Variants in ABCC5 observed in about 807,000 individuals in gnomAD.
ABCC5 encodes ATP-binding cassette sub-family C member 5.
A neutral mutation model predicts 160.9 loss-of-function variants in ABCC5; 61 were observed. The ratio of observed to expected loss-of-function variants is 0.38; its 90% CI spans 0.31 to 0.47. The LOEUF (loss-of-function observed/expected upper bound fraction) is 0.47. Among genes scored for constraint, ABCC5 ranks in the 20% least tolerant of loss-of-function variants. The pLI is 0.99. For missense variants in ABCC5, 1,308 were observed against 1,813.3 expected (o/e 0.72, Z 5.06); for synonymous variants, 666 against 700.6 (o/e 0.95, Z 0.78).
chr3:184,015,871 C>T (rs1327630469), intron 1 of ABCC5, among the ~76,000 whole-genome samples: 3 of 152,136 alleles, frequency 2.0e-5, no homozygotes, highest in South Asian at 2.1e-4. Context: ...AACCTTCTTA[C>T]GGGAATCACG....
At chr3:183,935,306 G>A (rs964699840) in intron 26 of ABCC5, among the ~76,000 whole-genome samples, 5 of 151,520 alleles carry the variant, frequency 3.3e-5, no homozygotes, top group Non-Finnish European at 4.4e-5. Flanking sequence ...TCAGCCTCCC[G>A]TGTAGCTGGG....
intron 18 of ABCC5, 42 bp downstream of exon 18, chr3:183,953,044 C>T (rs764531387): frequency 1.3e-6 from 2 of 1,559,848 alleles, no homozygotes; most frequent in Non-Finnish European, 8.7e-7. Context: ...GAAACGGCCA[C>T]ATTCTTAGAC....
chr3:184,002,943 C>G (rs1170415674), intron 2 of ABCC5, among the ~76,000 whole-genome samples: 2 of 152,152 alleles, frequency 1.3e-5, no homozygotes, highest in Non-Finnish European at 2.9e-5. Flanking sequence ...GTCTGGCACA[C>G]CCCTCAAATA....
intron 2 of ABCC5, among the ~76,000 whole-genome samples, chr3:184,001,417 T>A (rs539032081): frequency 6.6e-6 from 1 of 152,364 alleles, no homozygotes; most frequent in South Asian, 2.1e-4. Flanking sequence ...AGGTATTTTA[T>A]GCTTACAGCA....
At chr3:183,990,211 C>G (rs1275027641) in intron 2 of ABCC5, among the ~76,000 whole-genome samples, 3 of 152,054 alleles carry the variant, frequency 2.0e-5, no homozygotes, top group African/African-American at 7.2e-5. Context: ...CCGGTTCAAG[C>G]AATTCTCATG....
chr3:183,986,326 A>G (rs999118183), intron 5 of ABCC5: 2 of 152,196 alleles, frequency 1.3e-5, no homozygotes, highest in African/African-American at 4.8e-5. Context: ...TCTTCCCTGA[A>G]ACGGCAGAGA....
chr3:183,934,151 C>T (rs1464674700), intron 26 of ABCC5, among the ~76,000 whole-genome samples: 1 of 152,098 alleles, frequency 6.6e-6, no homozygotes, highest in Non-Finnish European at 1.5e-5. Context: ...ACTAAAAATA[C>T]AAAAATTAGC....
chr3:183,981,999 T>C (rs1718788326), intron 7 of ABCC5, 125 bp from the exon 8 acceptor site: 1 of 961,422 alleles, frequency 1.0e-6, no homozygotes, highest in Non-Finnish European at 1.5e-6. Context: ...GGCCAAATGT[T>C]ATGTAATCGT....
At position 183,965,165 on chromosome 3, in the gene ABCC5, CA is replaced by C. The variant is rs762373478; in HGVS notation, c.2031+19del. ...TCTGCCACTCTGCTAAATGCCTGGT[CA>C]GGGGCGGAAGGCCTGTACCTCCGTC... On this transcript the variant is annotated intron_variant, in intron 14 of 29. Coordinates refer to ENST00000334444, the MANE Select transcript of ABCC5 (RefSeq NM_005688.4). 21 of 1,613,232 alleles carry C rather than the reference CA, an allele frequency of 1.3e-5. No individual in the cohort carries two copies. The Admixed American group carries it at 2.2e-4, about 17-fold the overall frequency.
intron 2 of ABCC5, among the ~76,000 whole-genome samples, chr3:184,006,086 C>A (rs1442012239): frequency 6.6e-6 from 1 of 152,110 alleles, no homozygotes; most frequent in Non-Finnish European, 1.5e-5. Context: ...GCAGCCCAAC[C>A]TCAAGAGCCC....
At position 183,971,667 on chromosome 3, in the gene ABCC5, T is replaced by C; in HGVS notation, c.1657A>G (p.Ser553Gly). The C allele has an allele frequency of 6.2e-7, 1 of 1,614,192 alleles. No individual in the cohort carries two copies. The highest frequency in any genetic ancestry group is 8.5e-7 in the Non-Finnish European group (1 of 1,180,016). Residue 553 changes from serine to glycine, a missense_variant, in exon 11 of 30, where the codon AGT becomes GGT. Ser to Gly is a moderately conservative substitution (Grantham distance 56). Around this residue, in one of 3 missense-constraint regions of ABCC5, gnomAD observed 1,142 missense variants for 1,527.1 expected, o/e 0.75. Transcript: ENST00000334444. The part of the protein sequence containing the change: ...AEQKGHLLLD[S>G]DERPSPEEEE... Reference sequence around the variant, plus strand: ...TCTTCGGGACTGGGCCGCTCGTCACTGTCCAGGAGGAGGTGGCCTTTCTGC... The same window carrying C: ...TCTTCGGGACTGGGCCGCTCGTCACCGTCCAGGAGGAGGTGGCCTTTCTGC...
intron 22 of ABCC5, 70 bp from the exon 23 acceptor site, chr3:183,947,580 C>A: frequency 7.9e-7 from 1 of 1,272,966 alleles, no homozygotes. Context: ...AAAGCTTCAG[C>A]GAATCAGATG....
intron 8 of ABCC5, among the ~76,000 whole-genome samples, chr3:183,979,870 C>T (rs991900706): frequency 1.2e-3 from 178 of 151,774 alleles, no homozygotes; most frequent in African/African-American, 4.1e-3. Context: ...CCACCTCGCC[C>T]GGCCAATACT....
At chr3:183,972,126 G>T (rs372773290) in intron 10 of ABCC5, 2 of 940,538 alleles carry the variant, frequency 2.1e-6, no homozygotes, top group Non-Finnish European at 3.3e-6. Flanking sequence ...AGGTCCAGGG[G>T]CCTTATCAAT....
At chr3:183,977,445 C>T in intron 10 of ABCC5, 72 bp downstream of exon 10, 1 of 1,202,222 alleles carries the variant, frequency 8.3e-7, no homozygotes, top group East Asian at 2.4e-5. Context: ...CTGGGTGGCC[C>T]CTTGAACAGA....
chr3:183,945,681 C>T (rs999400094), intron 24 of ABCC5, among the ~76,000 whole-genome samples, 169 bp downstream of exon 24: 3 of 152,176 alleles, frequency 2.0e-5, no homozygotes, highest in African/African-American at 7.2e-5. Flanking sequence ...GAAACTCTTA[C>T]GGTAATCTCT....
In ABCC5 at chr3:183,988,085, G is replaced by T. The variant is rs1445863396; in HGVS notation, c.444-168C>A. ...CTTCTGGGAAAAAATACCCTTCCTA[G>T]GGAACTACACATTTACCCTGTATAA... On this transcript the variant is annotated intron_variant, in intron 4 of 29. Transcript: ENST00000334444. The surrounding 1 kb of genome is among the most constrained non-coding windows in gnomAD (Gnocchi z 4.4). Among the ~76,000 whole-genome samples the T allele has an allele frequency of 6.6e-6, 1 of 152,062 alleles. No individual in the cohort carries two copies. The highest frequency in any genetic ancestry group is 2.4e-5 in the African/African-American group (1 of 41,384).
chr3:183,985,479 G>A (rs1307379021), intron 5 of ABCC5: 2 of 1,030,158 alleles, frequency 1.9e-6, no homozygotes, highest in South Asian at 2.5e-5. Context: ...GAGGTTGGAA[G>A]GGTGGGAAAC....
chr3:183,978,716 A>G, intron 8 of ABCC5, 65 bp from the exon 9 acceptor site: 1 of 1,561,748 alleles, frequency 6.4e-7, no homozygotes, highest in African/African-American at 1.4e-5. Context: ...TTGTTCCTCC[A>G]CCTCCAAACA....
Sources: gnomAD v4.1 joint callset for allele counts (sites outside exome capture counted in the v4.1 genomes callset) on GRCh38, gnomAD v4.1.1 for gene constraint, gnomAD v4.1.1 regional missense constraint, Gnocchi (gnomAD v3.1) non-coding constraint, MANE v1.5 for transcripts, NCBI Gene and HGNC (gene_info 2026-07-23, HGNC 2026-07-21) for gene names.